RBFOX3: variants seen among roughly 807,000 people sequenced by gnomAD.
RBFOX3 encodes the protein RNA binding fox-1 homolog 3, also known as RNA binding protein fox-1 homolog 3.
A neutral mutation model predicts 48.7 loss-of-function variants in RBFOX3; 17 were observed. The ratio of observed to expected loss-of-function variants is 0.35; its 90% CI spans 0.24 to 0.52. The LOEUF (loss-of-function observed/expected upper bound fraction) is 0.52, where lower values mean the gene tolerates loss of function less well. RBFOX3 is among the 20% of genes least tolerant of loss of function. RBFOX3 has a pLI of 0.94. For synonymous variants in RBFOX3, 212 were observed against 209.5 expected, an observed-to-expected ratio of 1.01 and a Z score of -0.10; for missense variants, 382 against 497.5, an observed-to-expected ratio of 0.77 and a Z score of 2.21.
chr17:79,608,259 C>A (rs945952371), intron 1 of RBFOX3, among the ~76,000 whole-genome samples: 1,578 of 152,338 alleles, frequency 0.01, 28 homozygotes, highest in African/African-American at 0.036. Flanking sequence ...ATACTCCCAG[C>A]CCCGCTGTGG....
chr17:79,587,741 G>A (rs931281698), intron 1 of RBFOX3, among the ~76,000 whole-genome samples: 2 of 152,314 alleles, frequency 1.3e-5, no homozygotes, highest in African/African-American at 2.4e-5. Flanking sequence ...GACCTTGATC[G>A]AGGTCCCACT....
chr17:79,290,438 G>A (rs992976834), intron 3 of RBFOX3, among the ~76,000 whole-genome samples: 4 of 151,852 alleles, frequency 2.6e-5, no homozygotes, highest in African/African-American at 9.7e-5. Context: ...ATGCTGTGAC[G>A]GTGTCATGGG....
At chr17:79,221,403 C>T (rs1054676936) in intron 4 of RBFOX3, among the ~76,000 whole-genome samples, 4 of 152,246 alleles carry the variant, frequency 2.6e-5, no homozygotes, top group Non-Finnish European at 5.9e-5. Flanking sequence ...CGGGTGGCTG[C>T]GTGAGGTCTC....
intron 3 of RBFOX3, among the ~76,000 whole-genome samples, chr17:79,305,072 G>T (rs1223215815): frequency 6.6e-6 from 1 of 152,238 alleles, no homozygotes; most frequent in Non-Finnish European, 1.5e-5. Flanking sequence ...GTTTCAGCAG[G>T]GTGGGTGGGC....
At chr17:79,139,134 T>C (rs2041362042) in intron 4 of RBFOX3, among the ~76,000 whole-genome samples, 1 of 151,836 alleles carries the variant, frequency 6.6e-6, no homozygotes, top group African/African-American at 2.4e-5. Flanking sequence ...AGCACATGCG[T>C]TCACGGTCCT....
intron 3 of RBFOX3, among the ~76,000 whole-genome samples, chr17:79,275,753 T>G (rs2068683456): frequency 6.6e-6 from 1 of 152,160 alleles, no homozygotes; most frequent in African/African-American, 2.4e-5. Flanking sequence ...TGGCACATGG[T>G]GGGCTATGGA....
At chr17:79,337,848 A>G (rs1013008193) in intron 2 of RBFOX3, among the ~76,000 whole-genome samples, 1 of 152,168 alleles carries the variant, frequency 6.6e-6, no homozygotes, top group African/African-American at 2.4e-5. Context: ...CAGAGTTCTT[A>G]TAGCCTACCT....
At chr17:79,543,284 G>A (rs2089967730) in intron 1 of RBFOX3, among the ~76,000 whole-genome samples, 1 of 152,178 alleles carries the variant, frequency 6.6e-6, no homozygotes, top group African/African-American at 2.4e-5. Flanking sequence ...GTGCGAGTTT[G>A]CTACATCTTC....
chr17:79,102,189 G>A (rs931392560), intron 8 of RBFOX3, among the ~76,000 whole-genome samples: 3 of 152,220 alleles, frequency 2.0e-5, no homozygotes, highest in Non-Finnish European at 4.4e-5. Context: ...CTCTGGGCAC[G>A]AAGTCACCTA....
chr17:79,349,219 G>T (rs1427072707), intron 2 of RBFOX3, among the ~76,000 whole-genome samples: 2 of 151,962 alleles, frequency 1.3e-5, no homozygotes, highest in Non-Finnish European at 2.9e-5. Flanking sequence ...ACCTATCCCT[G>T]CTCAGCCCCT....
intron 5 of RBFOX3, among the ~76,000 whole-genome samples, chr17:79,109,571 C>T (rs762481223): frequency 6.6e-6 from 1 of 152,218 alleles, no homozygotes; most frequent in Non-Finnish European, 1.5e-5. Context: ...TGAACCAAGG[C>T]GAGACCGTCC....
chr17:79,134,813 T>C (rs2039794423), intron 4 of RBFOX3, among the ~76,000 whole-genome samples: 1 of 152,100 alleles, frequency 6.6e-6, no homozygotes, highest in Non-Finnish European at 1.5e-5. Flanking sequence ...CGGTGGACAC[T>C]GGCATTCCCA....
rs923805208 is a variant in RBFOX3 at position 79,525,722 on chromosome 17, C to T, written c.-319-43124G>A. ...ATCACCATCATCTATTTTTTCTAAG[C>T]TTGGGTTTTTGTAGAGGAAAGTTGT... On this transcript the variant is annotated intron_variant, in intron 1 of 14. Coordinates refer to ENST00000693108, the MANE Select transcript of RBFOX3 (RefSeq NM_001350451.2). Among the ~76,000 whole-genome samples, 9 of 152,266 alleles carry T rather than the reference C, an allele frequency of 5.9e-5. No individual in the cohort carries two copies. The East Asian group carries it at 1.2e-3, about 20-fold the overall frequency.
At chr17:79,253,015 T>C (rs961465090) in intron 3 of RBFOX3, among the ~76,000 whole-genome samples, 4 of 152,148 alleles carry the variant, frequency 2.6e-5, no homozygotes, top group Non-Finnish European at 5.9e-5. Context: ...ATGGAGCCTC[T>C]GGCCCTGACC....
chr17:79,451,334 A>G (rs1301047105), intron 2 of RBFOX3, among the ~76,000 whole-genome samples: 1 of 152,210 alleles, frequency 6.6e-6, no homozygotes, highest in East Asian at 1.9e-4. Context: ...AGTGTGGGTG[A>G]CAATCACAGG....
At chr17:79,651,725 C>G in the RBFOX3 span, among the ~76,000 whole-genome samples, 2,680 of 74,834 alleles carry the variant, frequency 0.036, 114 homozygotes, top group African/African-American at 0.084. Context: ...CTCTCTTTCC[C>G]TCCCTCTCTC....
chr17:79,410,970 G>T (rs1329908715), intron 2 of RBFOX3, among the ~76,000 whole-genome samples: 6 of 152,184 alleles, frequency 3.9e-5, no homozygotes, highest in South Asian at 2.1e-4. Context: ...ACACGGCTGG[G>T]CTGGGCATCT....
intron 3 of RBFOX3, among the ~76,000 whole-genome samples, chr17:79,245,488 CAG>C (rs1262993774): frequency 6.7e-6 from 1 of 149,344 alleles, no homozygotes; most frequent in East Asian, 1.9e-4. Context: ...TTTAGGTGCA[CAG>C]TTCAGTGGCA....
chr17:79,177,216 C>G (rs970987781), intron 4 of RBFOX3, among the ~76,000 whole-genome samples: 14 of 152,112 alleles, frequency 9.2e-5, no homozygotes, highest in African/African-American at 1.7e-4. Context: ...CTCTCCCCCC[C>G]CGCCCTCTCC....
Sources: gnomAD v4.1 joint callset for allele counts (sites outside exome capture counted in the v4.1 genomes callset) on GRCh38, gnomAD v4.1.1 for gene constraint, MANE v1.5 for transcripts, NCBI Gene and HGNC (gene_info 2026-07-23, HGNC 2026-07-21) for gene names.